Variants in TENM3 observed in about 807,000 individuals in gnomAD.
TENM3 encodes teneurin-3.
A neutral mutation model predicts 255.1 loss-of-function variants in TENM3; 63 were observed. That is an observed-to-expected ratio of 0.25 (90% CI 0.20 to 0.30). The LOEUF (loss-of-function observed/expected upper bound fraction) is 0.30, where lower values mean the gene tolerates loss of function less well. Among genes scored for constraint, TENM3 ranks in the 10% least tolerant of loss-of-function variants. The pLI, the probability that TENM3 is intolerant of heterozygous loss-of-function variation, is 1.00. For missense variants in TENM3, 2,929 were observed against 3,461.1 expected (o/e 0.85, Z 3.86); for synonymous variants, 1,306 against 1,322.3 (o/e 0.99, Z 0.27).
the TENM3 span, among the ~76,000 whole-genome samples, chr4:181,578,669 G>A: frequency 2.0e-5 from 3 of 152,124 alleles, no homozygotes; most frequent in African/African-American, 7.2e-5. Flanking sequence ...TCAAAGGACT[G>A]CAGTGAGGAG....
chr4:182,654,254 G>C (rs901651787), intron 6 of TENM3, among the ~76,000 whole-genome samples: 32 of 152,124 alleles, frequency 2.1e-4, no homozygotes, highest in South Asian at 6.2e-4. Context: ...TGCGTGTGGA[G>C]TTGGAACACT....
At chr4:181,897,238 T>G in the TENM3 span, among the ~76,000 whole-genome samples, 1 of 152,180 alleles carries the variant, frequency 6.6e-6, no homozygotes, top group South Asian at 2.1e-4. Context: ...ACAAATTATT[T>G]TGGCACAAAT....
chr4:182,531,508 G>T (rs573892922), intron 3 of TENM3, among the ~76,000 whole-genome samples: 3 of 152,250 alleles, frequency 2.0e-5, no homozygotes, highest in East Asian at 3.9e-4. Context: ...TAGATGATTT[G>T]CTGGGAGGAC....
At chr4:181,505,112 A>G in the TENM3 span, among the ~76,000 whole-genome samples, 5 of 152,128 alleles carry the variant, frequency 3.3e-5, no homozygotes, top group African/African-American at 9.7e-5. Flanking sequence ...CGAGACACCA[A>G]TTTGCTCTGC....
the TENM3 span, among the ~76,000 whole-genome samples, chr4:181,827,616 G>T: frequency 1.3e-5 from 2 of 152,180 alleles, no homozygotes; most frequent in East Asian, 3.9e-4. Context: ...TGACAGTCAC[G>T]ATTTGCAAAC....
At chr4:182,199,720 CTTTTTTTTTTTT>C (rs367906246) in intron 1 of TENM3, among the ~76,000 whole-genome samples, 6 of 104,854 alleles carry the variant, frequency 5.7e-5, no homozygotes, top group South Asian at 7.6e-4. Context: ...AACATCATTG[CTTTTTTTTTTTT>C]TTTTTTTTTT....
At chr4:181,450,475 T>G in the TENM3 span, among the ~76,000 whole-genome samples, 3 of 152,218 alleles carry the variant, frequency 2.0e-5, no homozygotes, top group African/African-American at 7.2e-5. Context: ...AAAAAGGGCA[T>G]CTGCTCCTTT....
the TENM3 span, among the ~76,000 whole-genome samples, chr4:181,677,409 A>G: frequency 6.6e-6 from 1 of 152,108 alleles, no homozygotes; most frequent in Admixed American, 6.6e-5. Context: ...TTATCCAGCT[A>G]TGCAAAAGAG....
the TENM3 span, among the ~76,000 whole-genome samples, chr4:181,464,739 T>C: frequency 6.6e-6 from 1 of 152,150 alleles, no homozygotes; most frequent in East Asian, 1.9e-4. Context: ...TCACCTGAGG[T>C]CAGGAGTTTG....
At chr4:182,563,618 A>G (rs1192922963) in intron 3 of TENM3, among the ~76,000 whole-genome samples, 2 of 152,220 alleles carry the variant, frequency 1.3e-5, no homozygotes, top group Non-Finnish European at 2.9e-5. Flanking sequence ...TTATAACAAT[A>G]CTATGATGTA....
the TENM3 span, among the ~76,000 whole-genome samples, chr4:181,740,485 CAAAG>C: frequency 2.6e-5 from 4 of 151,844 alleles, no homozygotes; most frequent in Non-Finnish European, 5.9e-5. Flanking sequence ...ATGGAGACCA[CAAAG>C]AGCTGTAGTT....
the TENM3 span, among the ~76,000 whole-genome samples, chr4:181,516,368 TA>T: frequency 8.5e-4 from 120 of 141,252 alleles, no homozygotes; most frequent in African/African-American, 2.1e-3. Flanking sequence ...AAAAAATATT[TA>T]AAAAAAAAAA....
the TENM3 span, among the ~76,000 whole-genome samples, chr4:181,934,354 G>T: frequency 6.6e-6 from 1 of 152,142 alleles, no homozygotes; most frequent in Non-Finnish European, 1.5e-5. Context: ...TCAGCAATGG[G>T]TTTCATTTAT....
intron 1 of TENM3, chr4:182,145,025 A>G (rs917572273): frequency 1.3e-5 from 2 of 151,824 alleles, no homozygotes; most frequent in African/African-American, 2.4e-5. Flanking sequence ...GCGCCCCCGT[A>G]CTGGGGAGCC....
At chr4:182,547,875 A>G (rs1390633881) in intron 3 of TENM3, among the ~76,000 whole-genome samples, 1 of 152,136 alleles carries the variant, frequency 6.6e-6, no homozygotes, top group Non-Finnish European at 1.5e-5. Flanking sequence ...TATTGTAGCC[A>G]CAGAAATTGT....
chr4:181,466,207 T>C, the TENM3 span, among the ~76,000 whole-genome samples: 1 of 150,824 alleles, frequency 6.6e-6, no homozygotes, highest in Admixed American at 6.6e-5. Context: ...AACCTCCGCC[T>C]CACTGGTTCA....
intron 3 of TENM3, among the ~76,000 whole-genome samples, chr4:182,579,087 C>CACCT (rs1745230543): frequency 6.6e-6 from 1 of 152,204 alleles, no homozygotes; most frequent in Non-Finnish European, 1.5e-5. Flanking sequence ...TAGGCCAATA[C>CACCT]ACCTGCCTTC....
chr4:182,033,092 GT>G, the TENM3 span, among the ~76,000 whole-genome samples: 2 of 151,656 alleles, frequency 1.3e-5, no homozygotes, highest in African/African-American at 4.8e-5. Context: ...TAGCTTTGGG[GT>G]TTGTTTGTTC....
the TENM3 span, among the ~76,000 whole-genome samples, chr4:181,598,242 A>G: frequency 6.6e-6 from 1 of 152,120 alleles, no homozygotes; most frequent in African/African-American, 2.4e-5. Context: ...CAAACTGCTA[A>G]CTCTAGCTAT....
Sources: allele counts gnomAD v4.1 joint callset (sites outside exome capture counted in the v4.1 genomes callset), GRCh38; gene constraint gnomAD v4.1.1; transcripts MANE v1.5; gene names NCBI Gene and HGNC (gene_info 2026-07-23, HGNC 2026-07-21).